SPTBN2: variants seen among roughly 807,000 people sequenced by gnomAD.
SPTBN2 encodes the protein spectrin beta chain, non-erythrocytic 2.
SPTBN2 carries 107 observed loss-of-function variants against 284.2 expected under a neutral mutation model. The observed-to-expected ratio is 0.38, with a 90% CI of 0.32 to 0.44. The LOEUF (loss-of-function observed/expected upper bound fraction) is 0.44, where lower values mean the gene tolerates loss of function less well. Among genes scored for constraint, SPTBN2 ranks in the 20% least tolerant of loss-of-function variants. The probability of loss-of-function intolerance (pLI) is 1.00; values close to 1 mark genes in which losing one functional copy is unlikely to be tolerated. For missense variants in SPTBN2, 2,569 were observed against 3,287.1 expected (o/e 0.78, Z 5.34); for synonymous variants, 1,289 against 1,354.8 (o/e 0.95, Z 1.07).
At position 66,709,035 on chromosome 11, in the gene SPTBN2, G is replaced by A. The variant is rs376361557; in HGVS notation, c.1074-16C>T. On this transcript the variant is annotated splice_polypyrimidine_tract_variant and intron_variant, in intron 10 of 37. Transcript: ENST00000533211. ...CTCGGTAAACCTGAGGCAGGAGGCC[G>A]GGTTGGGGTCAGAATTAAAGCCCAC... 9.3e-6 allele frequency: 15 copies of A among 1,609,246 alleles called. No homozygotes were observed. The highest frequency in any genetic ancestry group is 4.5e-5 in the East Asian group (2 of 44,862).
rs182631628 is a variant in SPTBN2 at position 66,699,181 on chromosome 11, G to A, written c.3777-99C>T. 3.5e-5 allele frequency: 51 copies of A among 1,458,484 alleles called. No homozygotes were observed. In the African/African-American group the frequency reaches 4.6e-4, roughly 13 times the overall value. The allele number at this position is 1,458,484 out of a possible 1,614,324, so 90.3% of individuals were successfully genotyped here. On this transcript the variant is annotated intron_variant, in intron 18 of 37. Coordinates refer to ENST00000533211, the MANE Select transcript of SPTBN2 (RefSeq NM_006946.4). ...CCTCCATTTCTTCTAGGGGAATAACGCCTTCCGGGAGCACAATGAGGCTAC... is the reference window on the plus strand; with the variant it reads ...CCTCCATTTCTTCTAGGGGAATAACACCTTCCGGGAGCACAATGAGGCTAC...
intron 16 of SPTBN2, 31 bp from the exon 17 acceptor site, chr11:66,701,313 C>A (rs1565130561): frequency 2.5e-6 from 4 of 1,608,724 alleles, no homozygotes; most frequent in Admixed American, 1.7e-5. Flanking sequence ...CAGCTTCCTG[C>A]CCTGGCCAGG....
At chr11:66,698,566 ACGTCCTGGAGCCAGGCCCTCCCC>A (rs1465372169) in intron 20 of SPTBN2, 50 bp downstream of exon 20, 1 of 1,608,736 alleles carries the variant, frequency 6.2e-7, no homozygotes, top group Non-Finnish European at 8.5e-7. Context: ...GACAAAAACC[ACGTCCTGGAGCCAGGCCCTCCCC>A]CGTACCATGG....
At chr11:66,743,499 C>T (rs1315538514) in intron 1 of SPTBN2, among the ~76,000 whole-genome samples, 1 of 152,194 alleles carries the variant, frequency 6.6e-6, no homozygotes, top group Non-Finnish European at 1.5e-5. Context: ...CCTTGGGCAA[C>T]TCTTTGCCAG....
chr11:66,689,879 G>A lies in SPTBN2; in HGVS notation c.5875C>T (p.Arg1959Trp), dbSNP rs774111091. The A allele has an allele frequency of 8.7e-6, 14 of 1,613,994 alleles. No individual in the cohort carries two copies. The highest frequency in any genetic ancestry group is 2.2e-5 in the East Asian group (1 of 44,894). Residue 1959 changes from arginine to tryptophan, a missense_variant, in exon 29 of 38, where the codon CGG becomes TGG. Around this residue, in one of 6 missense-constraint regions of SPTBN2, gnomAD observed 1,130 missense variants for 1,317.3 expected, o/e 0.86. Coordinates refer to ENST00000533211, the MANE Select transcript of SPTBN2 (RefSeq NM_006946.4). Reference protein sequence around the residue: ...QQGIKAEIEARADRFSSCIDM... With the variant: ...QQGIKAEIEAWADRFSSCIDM... ...ATGCAGGAGGAGAAGCGGTCTGCCC[G>A]GGCCTCTATCTCTGCCTTGATGCCT...
chr11:66,722,071 G>C lies in SPTBN2; in HGVS notation c.-113-631C>G, dbSNP rs182071132. On this transcript the variant is annotated intron_variant, in intron 1 of 37. Transcript: ENST00000533211. ...GATACGCCAGGAAGACTGACACACT[G>C]TTTAGCAAGTGCCCAGGAGTTCAAA... Among the ~76,000 whole-genome samples, 639 of 152,288 alleles carry C rather than the reference G, an allele frequency of 4.2e-3. 2 individuals carry two copies. The highest frequency in any genetic ancestry group is 5.4e-3 in the Non-Finnish European group (369 of 68,026).
At chr11:66,738,608 C>T (rs1263801504) in intron 1 of SPTBN2, among the ~76,000 whole-genome samples, 3 of 152,094 alleles carry the variant, frequency 2.0e-5, no homozygotes, top group Admixed American at 6.6e-5. Context: ...CTGCACCTCT[C>T]GGGTTCAAGC....
chr11:66,731,740 C>A (rs1178553537), upstream of SPTBN2, among the ~76,000 whole-genome samples: 3 of 152,234 alleles, frequency 2.0e-5, no homozygotes, highest in African/African-American at 7.2e-5. Context: ...CTTCCTGAGT[C>A]ATTTGCACTC....
In SPTBN2 at chr11:66,707,113, C is replaced by T. The variant is rs998814566; in HGVS notation, c.1653+403G>A. Among the ~76,000 whole-genome samples, 3 of 152,244 alleles carry T rather than the reference C, an allele frequency of 2.0e-5. No individual in the cohort carries two copies. Among genetic ancestry groups the T allele is most frequent in the Non-Finnish European group, 2.9e-5 (2 of 68,046 alleles). ...CTGAACACACCATGCTGATCCAGGC[C>T]GAGGGCCTGTGCCGGCTGTTCCTTC... is the stretch of plus-strand genomic sequence containing the variant. On this transcript the variant is annotated intron_variant, in intron 13 of 37. Transcript: ENST00000533211. The surrounding 1 kb of genome is among the most constrained non-coding windows in gnomAD (Gnocchi z 4.9).
rs767600422 is a variant in SPTBN2 at position 66,693,203 on chromosome 11, C to T, written c.4837G>A (p.Gly1613Ser). The T allele has an allele frequency of 6.2e-7, 1 of 1,614,248 alleles. No homozygotes were observed. The highest frequency in any genetic ancestry group is 1.1e-5 in the South Asian group (1 of 91,090). ...WMGEQELHMMGQEKAKDELSA... is the reference protein window; with the variant it reads ...WMGEQELHMMSQEKAKDELSA... ...GCCCTCACCTTGGCCTTCTCCTGGC[C>T]CATCATGTGTAATTCCTGCTCGCCC... is the stretch of plus-strand genomic sequence containing the variant. Residue 1613 changes from glycine (G) to serine (S), a missense_variant, in exon 24 of 38, where the codon GGC becomes AGC. Gly to Ser is a moderately conservative substitution (Grantham distance 56, BLOSUM62 0). Transcript: ENST00000533211. This position sits in a 1 kb window ranked among gnomAD's most constrained non-coding sequence, Gnocchi z 5.7.
intron 1 of SPTBN2, among the ~76,000 whole-genome samples, chr11:66,738,464 A>T (rs1415591528): frequency 2.6e-5 from 4 of 152,200 alleles, no homozygotes; most frequent in Admixed American, 2.6e-4. Context: ...AACAGAAGTC[A>T]GAAGTGGCCT....
At chr11:66,712,637 C>T (rs1485524233) in intron 8 of SPTBN2, 3 of 151,868 alleles carry the variant, frequency 2.0e-5, no homozygotes, top group African/African-American at 7.3e-5. Flanking sequence ...TCAGCAAGGT[C>T]AGCTGACTAC....
rs540393125 is a variant in SPTBN2 at position 66,699,272 on chromosome 11, T to C, written c.3776+134A>G. On this transcript the variant is annotated intron_variant, in intron 18 of 37. Transcript: ENST00000533211. ...AATCTCCCAGCCCTCTCCAACCACT[T>C]AGTTCTTCCCCTCTACTTCTCTGTC... 1.2e-5 allele frequency: 16 copies of C among 1,292,494 alleles called. No individual in the cohort carries two copies. In the African/African-American group the frequency reaches 2.2e-4, roughly 18 times the overall value. The allele number at this position is 1,292,494 out of a possible 1,614,324, so 80.1% of individuals were successfully genotyped here. A position where few individuals can be genotyped will look rare whatever the true frequency, so the allele number is the denominator to read the frequency against.
At chr11:66,740,074 G>T (rs1942885862) in intron 1 of SPTBN2, among the ~76,000 whole-genome samples, 1 of 152,162 alleles carries the variant, frequency 6.6e-6, no homozygotes, top group Non-Finnish European at 1.5e-5. Context: ...TTGTGATGTA[G>T]ATTTTATTGG....
chr11:66,698,903 A>G, intron 19 of SPTBN2, 89 bp downstream of exon 19: 1 of 1,597,968 alleles, frequency 6.3e-7, no homozygotes. Flanking sequence ...AGGGGCTCAC[A>G]GTCTCCGGTA....
intron 13 of SPTBN2, 91 bp from the exon 14 acceptor site, chr11:66,705,928 G>A: frequency 6.5e-7 from 1 of 1,530,582 alleles, no homozygotes; most frequent in East Asian, 2.4e-5. Context: ...ACGGCCCCAG[G>A]TGTTGCACCC....
Position 66,691,386 on chromosome 11 carries a change from C to CTGCTTG in SPTBN2, c.5457_5462dup (p.His1819_Lys1820dup). On this transcript the variant is annotated inframe_insertion, in exon 27 of 38. Coordinates refer to ENST00000533211, the MANE Select transcript of SPTBN2 (RefSeq NM_006946.4). This position sits in a 1 kb window ranked among gnomAD's most constrained non-coding sequence, Gnocchi z 8.0. Reference sequence around the variant, plus strand: ...GGCCAGTCCCGTCCGGAAGCTGCTGCTGCTTGTGCTGCACCCGCGCCAGGG... The same window carrying CTGCTTG: ...GGCCAGTCCCGTCCGGAAGCTGCTGCTGCTTGTGCTTGTGCTGCACCCGCGCCAGGG... 6.2e-7 allele frequency: 1 copy of CTGCTTG among 1,600,686 alleles called. No homozygotes were observed. The highest frequency in any genetic ancestry group is 1.3e-5 in the African/African-American group (1 of 74,790).
intron 1 of SPTBN2, among the ~76,000 whole-genome samples, chr11:66,737,203 A>G (rs1942856272): frequency 6.6e-6 from 1 of 152,132 alleles, no homozygotes; most frequent in Non-Finnish European, 1.5e-5. Flanking sequence ...AGATTTGCAT[A>G]AAATGTTAAA....
chr11:66,696,454 C>G lies in SPTBN2; in HGVS notation c.4101G>C (p.Glu1367Asp). The G allele has an allele frequency of 6.2e-7, 1 of 1,612,748 alleles. No individual in the cohort carries two copies. Among genetic ancestry groups the G allele is most frequent in the Non-Finnish European group, 8.5e-7 (1 of 1,180,034 alleles). Reference sequence around the variant, plus strand: ...CCTTGGCTTGGGTGGTGGTCTCCAGCTCGTCCCAGCGCCTGTGCAGGTCTC... The same window carrying G: ...CCTTGGCTTGGGTGGTGGTCTCCAGGTCGTCCCAGCGCCTGTGCAGGTCTC... The part of the protein sequence containing the change: ...KLRDLHRRWD[E>D]LETTTQAKAR... The change falls in exon 21 of 38, where the codon GAG (glutamate) becomes GAC (aspartate). Residue 1367 changes from glutamate to aspartate, a missense_variant. Physicochemically the swap from Glu to Asp is conservative, Grantham distance 45. Transcript: ENST00000533211.
Sources: gnomAD v4.1 joint callset for allele counts (sites outside exome capture counted in the v4.1 genomes callset) on GRCh38, gnomAD v4.1.1 for gene constraint, gnomAD v4.1.1 regional missense constraint, Gnocchi (gnomAD v3.1) non-coding constraint, MANE v1.5 for transcripts, NCBI Gene and HGNC (gene_info 2026-07-23, HGNC 2026-07-21) for gene names.